MORF4L1: variants seen among roughly 807,000 people sequenced by gnomAD.
The protein encoded by MORF4L1 is mortality factor 4-like protein 1.
Under a neutral mutation model 52.9 loss-of-function variants are expected in MORF4L1, and 4 were observed. That is an observed-to-expected ratio of 0.08 (90% confidence interval 0.04 to 0.17). The LOEUF (loss-of-function observed/expected upper bound fraction) is 0.17, where lower values mean the gene tolerates loss of function less well. Ranked by LOEUF, MORF4L1 falls within the 10% of genes least tolerant of loss-of-function variation. MORF4L1 has a pLI of 1.00. For missense variants in MORF4L1, 214 were observed against 390.4 expected (o/e 0.55, Z 3.81); for synonymous variants, 123 against 134.8 (o/e 0.91, Z 0.61).
chr15:78,896,905 TG>T (rs2056900092), intron 11 of MORF4L1, 77 bp from the exon 12 acceptor site: 1 of 1,081,400 alleles, frequency 9.2e-7, no homozygotes, highest in South Asian at 1.3e-5. Flanking sequence ...CTGTGGCTTA[TG>T]TATATAATAT....
intron 3 of MORF4L1, among the ~76,000 whole-genome samples, chr15:78,884,208 A>AAAAAACAC (rs1555439757): frequency 2.0e-5 from 3 of 146,716 alleles, no homozygotes; most frequent in East Asian, 4.1e-4. Context: ...CATCTCAAAA[A>AAAAAACAC]AAAAAACAAA....
chr15:78,894,349 C>A, intron 10 of MORF4L1, 119 bp downstream of exon 10: 1 of 753,074 alleles, frequency 1.3e-6, no homozygotes, highest in Non-Finnish European at 2.0e-6. Flanking sequence ...GAACTTTTAT[C>A]TAGAATGTTA....
chr15:78,896,549 C>G (rs1000294617), intron 11 of MORF4L1, among the ~76,000 whole-genome samples: 2 of 151,930 alleles, frequency 1.3e-5, no homozygotes, highest in Admixed American at 6.6e-5. Flanking sequence ...CTCAGGTGAT[C>G]AGCTTGCCTT....
chr15:78,882,665 G>A (rs1026080549), intron 3 of MORF4L1, among the ~76,000 whole-genome samples: 6 of 152,180 alleles, frequency 3.9e-5, no homozygotes, highest in African/African-American at 1.2e-4. Flanking sequence ...CTACAGGAAA[G>A]ATAACATCTT....
Position 78,896,938 on chromosome 15 carries a change from G to T in MORF4L1, c.888-45G>T, listed in dbSNP as rs926234513. 5 of 1,468,586 alleles carry T rather than the reference G, an allele frequency of 3.4e-6. No individual in the cohort carries two copies. In the African/African-American group the frequency reaches 5.6e-5, roughly 16 times the overall value. The allele number at this position is 1,468,586 out of a possible 1,614,324, so 91.0% of individuals were successfully genotyped here. A position where few individuals can be genotyped will look rare whatever the true frequency, so the allele number is the denominator to read the frequency against. On this transcript the variant is annotated intron_variant, in intron 11 of 11. Coordinates refer to ENST00000426013, the MANE Select transcript of MORF4L1 (RefSeq NM_006791.4). ...ATATATAGGAAGAGATTTGGATCAA[G>T]ATAATGACCTTTAAAAATTTTTGTA...
chr15:78,886,879 C>T (rs963765467), intron 4 of MORF4L1, among the ~76,000 whole-genome samples: 10 of 151,338 alleles, frequency 6.6e-5, no homozygotes, highest in African/African-American at 2.2e-4. Flanking sequence ...GGCGTGAACC[C>T]GGGAGGCAGA....
intron 1 of MORF4L1, among the ~76,000 whole-genome samples, chr15:78,875,799 A>T (rs946553181): frequency 5.8e-4 from 80 of 139,004 alleles, no homozygotes; most frequent in African/African-American, 1.7e-3. Context: ...AAAAAAAAAA[A>T]TTTATTAATT....
At chr15:78,893,163 T>C (rs1596251637) in intron 8 of MORF4L1, 1 of 167,524 alleles carries the variant, frequency 6.0e-6, no homozygotes, top group Admixed American at 5.9e-5. Flanking sequence ...TAACAGTAAA[T>C]GATGACTTGG....
chr15:78,896,997 A>C lies in MORF4L1; in HGVS notation c.902A>C (p.Asn301Thr). The C allele has an allele frequency of 3.1e-6, 5 of 1,613,234 alleles. No homozygotes were observed. The highest frequency in any genetic ancestry group is 4.2e-6 in the Non-Finnish European group (5 of 1,179,584). Residue 301 changes from asparagine to threonine, a missense_variant, in exon 12 of 12, where the codon AAT becomes ACT. Asn to Thr is a moderately conservative substitution (Grantham distance 65). Coordinates refer to ENST00000426013, the MANE Select transcript of MORF4L1 (RefSeq NM_006791.4). ...LHDFLKYLAK[N>T]SATLFSASDY... ...TTTATTTTTAGGTACCTGGCAAAGA[A>C]TTCTGCAACTTTGTTCAGTGCCAGC...
At chr15:78,896,681 T>A (rs949018134) in intron 11 of MORF4L1, among the ~76,000 whole-genome samples, 1 of 152,182 alleles carries the variant, frequency 6.6e-6, no homozygotes, top group Admixed American at 6.5e-5. Context: ...GGATAATAAC[T>A]GTTTCTTAAA....
chr15:78,894,958 G>A, intron 11 of MORF4L1, 54 bp downstream of exon 11: 1 of 1,395,382 alleles, frequency 7.2e-7, no homozygotes, highest in South Asian at 1.2e-5. Flanking sequence ...CGTGTAATGG[G>A]AGGGATTGGC....
At chr15:78,894,688 G>C in intron 10 of MORF4L1, 132 bp from the exon 11 acceptor site, 3 of 719,804 alleles carry the variant, frequency 4.2e-6, no homozygotes, top group Non-Finnish European at 7.2e-6. Context: ...GATTACAGGC[G>C]TGAGCCACTA....
chr15:78,887,129 T>G, intron 4 of MORF4L1, 140 bp from the exon 5 acceptor site: 1 of 678,988 alleles, frequency 1.5e-6, no homozygotes, highest in Non-Finnish European at 2.6e-6. Context: ...TTGTTTGATT[T>G]TTGTGGAAAT....
intron 3 of MORF4L1, among the ~76,000 whole-genome samples, chr15:78,883,661 A>G (rs1375298455): frequency 6.6e-6 from 1 of 152,260 alleles, no homozygotes; most frequent in African/African-American, 2.4e-5. Flanking sequence ...GAGATTTGTT[A>G]CTATCTTTGT....
rs1044357954 is a variant in MORF4L1, at chr15:78,878,159, A to G, written c.41-54A>G. ...AGTGTGATGACTCTCTAAGATGTTA[A>G]TCTTTTTATATATGAGAAGAAATTA... is the stretch of plus-strand genomic sequence containing the variant. On this transcript the variant is annotated intron_variant, in intron 1 of 11. Coordinates refer to ENST00000426013, the MANE Select transcript of MORF4L1 (RefSeq NM_006791.4). The G allele has an allele frequency of 7.1e-6, 11 of 1,545,424 alleles. No homozygotes were observed. In the African/African-American group the frequency reaches 1.5e-4, roughly 21 times the overall value.
At chr15:78,889,902 T>C (rs902915469) in intron 5 of MORF4L1, among the ~76,000 whole-genome samples, 21 of 152,278 alleles carry the variant, frequency 1.4e-4, no homozygotes, top group African/African-American at 4.8e-4. Context: ...ATAAACTGTT[T>C]CCTTTGTGGT....
intron 3 of MORF4L1, among the ~76,000 whole-genome samples, chr15:78,882,556 C>G (rs1482844322): frequency 6.6e-6 from 1 of 152,098 alleles, no homozygotes; most frequent in Non-Finnish European, 1.5e-5. Context: ...CAATGCCTTG[C>G]TAAAACTGCA....
At chr15:78,878,148 C>A in intron 1 of MORF4L1, 65 bp from the exon 2 acceptor site, 1 of 1,512,526 alleles carries the variant, frequency 6.6e-7, no homozygotes, top group South Asian at 1.2e-5. Context: ...TGATGACTCT[C>A]TAAGATGTTA....
intron 5 of MORF4L1, among the ~76,000 whole-genome samples, chr15:78,890,152 G>A (rs1339757450): frequency 1.3e-5 from 2 of 152,018 alleles, no homozygotes; most frequent in Non-Finnish European, 2.9e-5. Flanking sequence ...CCCGGGAGGA[G>A]GAGGTTGCAG....
Sources: allele counts gnomAD v4.1 joint callset (sites outside exome capture counted in the v4.1 genomes callset), GRCh38; gene constraint gnomAD v4.1.1; transcripts MANE v1.5; gene names NCBI Gene and HGNC (gene_info 2026-07-23, HGNC 2026-07-21).